Variants in NRXN3 observed in about 807,000 individuals in gnomAD.
The protein encoded by NRXN3 is neurexin 3, also known as neurexin III.
A neutral mutation model predicts 137.6 loss-of-function variants in NRXN3; 32 were observed. That is an observed-to-expected ratio of 0.23 (90% CI 0.18 to 0.31). NRXN3 has a LOEUF of 0.31. NRXN3 is among the 10% of genes least tolerant of loss of function. The pLI is 1.00. For synonymous variants in NRXN3, 798 were observed against 784.5 expected (o/e 1.02, Z -0.29); for missense variants, 1,574 against 2,062.5 (o/e 0.76, Z 4.59).
At chr14:79,548,352 T>G (rs1223854313) in intron 16 of NRXN3, among the ~76,000 whole-genome samples, 2 of 152,218 alleles carry the variant, frequency 1.3e-5, no homozygotes, top group Non-Finnish European at 2.9e-5. Flanking sequence ...CCAGTGTCCC[T>G]GCAAAGGACA....
chr14:78,541,654 G>A (rs555868649), intron 4 of NRXN3, among the ~76,000 whole-genome samples: 4 of 152,108 alleles, frequency 2.6e-5, no homozygotes, highest in African/African-American at 4.8e-5. Flanking sequence ...GCTTTGTTCC[G>A]TTGTTGGTGA....
At chr14:78,854,857 G>A (rs1250701324) in intron 10 of NRXN3, among the ~76,000 whole-genome samples, 1 of 152,094 alleles carries the variant, frequency 6.6e-6, no homozygotes, top group Non-Finnish European at 1.5e-5. Flanking sequence ...GGATCACGAG[G>A]TCAAGAAATC....
At chr14:78,272,812 T>C (rs751361116) in intron 2 of NRXN3, among the ~76,000 whole-genome samples, 1 of 152,162 alleles carries the variant, frequency 6.6e-6, no homozygotes, top group African/African-American at 2.4e-5. Flanking sequence ...ATCTGTAAAA[T>C]AGGATGAATA....
chr14:79,221,376 T>C (rs924408538), intron 15 of NRXN3, among the ~76,000 whole-genome samples: 1 of 152,198 alleles, frequency 6.6e-6, no homozygotes, highest in Non-Finnish European at 1.5e-5. Flanking sequence ...CCCAACAGTG[T>C]AAAAGCGTTC....
chr14:79,829,268 A>T (rs932570137), intron 20 of NRXN3, among the ~76,000 whole-genome samples: 1 of 152,234 alleles, frequency 6.6e-6, no homozygotes, highest in Non-Finnish European at 1.5e-5. Context: ...CAGAAAGGAA[A>T]TTTCAGGAAA....
chr14:79,008,838 T>A (rs954558929), intron 15 of NRXN3, among the ~76,000 whole-genome samples: 2 of 151,988 alleles, frequency 1.3e-5, no homozygotes, highest in African/African-American at 2.4e-5. Context: ...TTTGTATTTT[T>A]AGTAGAGATG....
At chr14:78,606,837 G>A (rs747838074) in intron 4 of NRXN3, among the ~76,000 whole-genome samples, 3 of 152,162 alleles carry the variant, frequency 2.0e-5, no homozygotes, top group African/African-American at 7.2e-5. Flanking sequence ...TGGAGTAAGC[G>A]TTTATTGGGG....
chr14:78,245,728 G>T (rs894407756), intron 2 of NRXN3, among the ~76,000 whole-genome samples: 6 of 152,210 alleles, frequency 3.9e-5, no homozygotes, highest in African/African-American at 1.4e-4. Context: ...TGCAGGAGCT[G>T]CCTGGGTCTC....
chr14:79,752,734 A>G (rs1454015452), intron 19 of NRXN3, among the ~76,000 whole-genome samples: 1 of 152,080 alleles, frequency 6.6e-6, no homozygotes, highest in Non-Finnish European at 1.5e-5. Context: ...TAATTAAACT[A>G]AAGAGCTTCT....
chr14:78,505,039 A>G (rs1201726827), intron 4 of NRXN3, among the ~76,000 whole-genome samples: 1 of 152,146 alleles, frequency 6.6e-6, no homozygotes, highest in Non-Finnish European at 1.5e-5. Flanking sequence ...CATTAAGACC[A>G]TTCCATTACA....
intron 15 of NRXN3, chr14:78,988,355 C>T: frequency 1.8e-6 from 1 of 569,462 alleles, no homozygotes; most frequent in South Asian, 2.0e-5. Flanking sequence ...CACTTGCTCA[C>T]TCCCTGTGTT....
chr14:79,824,676 A>G (rs2099287158), intron 20 of NRXN3, among the ~76,000 whole-genome samples: 1 of 152,204 alleles, frequency 6.6e-6, no homozygotes, highest in Non-Finnish European at 1.5e-5. Flanking sequence ...AAATATCAGC[A>G]TTAGTAGTGA....
At position 78,497,286 on chromosome 14, in the gene NRXN3, C is replaced by T. The variant is rs540952446; in HGVS notation, c.758-147834C>T. Reference sequence around the variant, plus strand: ...TCATTATTTCAAGCCAATATAGCCACAAACATAATTGGTGGTTATGAAATT... The same window carrying T: ...TCATTATTTCAAGCCAATATAGCCATAAACATAATTGGTGGTTATGAAATT... On this transcript the variant is annotated intron_variant, in intron 4 of 20. Coordinates refer to ENST00000335750, the MANE Select transcript of NRXN3 (RefSeq NM_001330195.2). Among the ~76,000 whole-genome samples the T allele has an allele frequency of 9.5e-4, 145 of 152,254 alleles. 1 individual carries two copies. Among genetic ancestry groups the T allele is most frequent in the African/African-American group, 3.2e-3 (133 of 41,544 alleles).
At chr14:79,308,806 C>T (rs1480966846) in intron 15 of NRXN3, among the ~76,000 whole-genome samples, 1 of 143,848 alleles carries the variant, frequency 7.0e-6, no homozygotes, top group Non-Finnish European at 1.5e-5. Context: ...ATGTGTACAA[C>T]AGCCAGTGTT....
intron 20 of NRXN3, among the ~76,000 whole-genome samples, chr14:79,826,280 G>T (rs541446707): frequency 1.9e-4 from 29 of 152,180 alleles, no homozygotes; most frequent in African/African-American, 6.7e-4. Context: ...GGCATGAGCC[G>T]CTGTGCCCAA....
At chr14:79,342,087 A>C (rs1434614053) in intron 15 of NRXN3, among the ~76,000 whole-genome samples, 1 of 152,336 alleles carries the variant, frequency 6.6e-6, no homozygotes, top group South Asian at 2.1e-4. Flanking sequence ...TCCAGTAACC[A>C]AATCTGTGGC....
At chr14:79,226,165 C>T (rs142270608) in intron 15 of NRXN3, among the ~76,000 whole-genome samples, 31 of 152,236 alleles carry the variant, frequency 2.0e-4, no homozygotes, top group African/African-American at 7.5e-4. Flanking sequence ...AACATGACTC[C>T]CCATCACGAC....
chr14:79,126,296 G>A (rs1011135102), intron 15 of NRXN3, among the ~76,000 whole-genome samples: 1 of 151,756 alleles, frequency 6.6e-6, no homozygotes, highest in Non-Finnish European at 1.5e-5. Flanking sequence ...TCTAGCATTA[G>A]GTATATCTCC....
chr14:79,829,955 A>C (rs2099317905), intron 20 of NRXN3, among the ~76,000 whole-genome samples: 1 of 152,240 alleles, frequency 6.6e-6, no homozygotes, highest in African/African-American at 2.4e-5. Flanking sequence ...TCCTCCAAGC[A>C]GAGCTTGTTT....
Sources: gnomAD v4.1 joint callset for allele counts (sites outside exome capture counted in the v4.1 genomes callset) on GRCh38, gnomAD v4.1.1 for gene constraint, MANE v1.5 for transcripts, NCBI Gene and HGNC (gene_info 2026-07-23, HGNC 2026-07-21) for gene names.